Variants in CDKAL1 observed in about 807,000 individuals in gnomAD.
CDKAL1 encodes the protein threonylcarbamoyladenosine tRNA methylthiotransferase.
CDKAL1 carries 32 observed loss-of-function variants against 68.2 expected under a neutral mutation model. That is an observed-to-expected ratio of 0.47 (90% CI 0.35 to 0.63). The LOEUF (loss-of-function observed/expected upper bound fraction) is 0.63, where lower values mean the gene tolerates loss of function less well. Ranked by LOEUF, CDKAL1 falls within the 30% of genes least tolerant of loss-of-function variation. CDKAL1 has a pLI of 0.00. For synonymous variants in CDKAL1, 234 were observed against 244.3 expected, an observed-to-expected ratio of 0.96 and a Z score of 0.39; for missense variants, 606 against 696.7, an observed-to-expected ratio of 0.87 and a Z score of 1.47.
intron 11 of CDKAL1, among the ~76,000 whole-genome samples, chr6:21,062,134 T>A (rs900244418): frequency 1.5e-4 from 23 of 152,138 alleles, no homozygotes; most frequent in Admixed American, 1.5e-3. Context: ...AGAGGGAAAA[T>A]CAGTAAGGTA....
chr6:20,836,707 C>T (rs1020411729), intron 8 of CDKAL1, among the ~76,000 whole-genome samples: 1 of 152,100 alleles, frequency 6.6e-6, no homozygotes, highest in African/African-American at 2.4e-5. Flanking sequence ...TTAAATACAT[C>T]TTGTATTTAA....
chr6:20,605,688 T>C (rs1372314760), intron 4 of CDKAL1, among the ~76,000 whole-genome samples: 1 of 152,162 alleles, frequency 6.6e-6, no homozygotes, highest in Non-Finnish European at 1.5e-5. Flanking sequence ...AAGGGCTAAT[T>C]ATTCCCTGCT....
At chr6:20,605,124 C>A (rs918042714) in intron 4 of CDKAL1, among the ~76,000 whole-genome samples, 3 of 152,196 alleles carry the variant, frequency 2.0e-5, no homozygotes, top group South Asian at 2.1e-4. Context: ...GGATTTGATA[C>A]ACTGCAGTCA....
chr6:20,861,281 G>A (rs1278133018), intron 9 of CDKAL1, among the ~76,000 whole-genome samples: 2 of 152,172 alleles, frequency 1.3e-5, no homozygotes, highest in Admixed American at 6.5e-5. Context: ...GTAAGCGTAC[G>A]TAAACCTAAG....
intron 5 of CDKAL1, among the ~76,000 whole-genome samples, chr6:20,686,771 T>A (rs1562025675): frequency 1.3e-5 from 2 of 152,160 alleles, no homozygotes; most frequent in African/African-American, 2.4e-5. Flanking sequence ...TGTTCGTGAT[T>A]TTAGTGGGAA....
chr6:21,105,779 G>A (rs1020120573), intron 12 of CDKAL1, among the ~76,000 whole-genome samples: 3 of 152,194 alleles, frequency 2.0e-5, no homozygotes, highest in African/African-American at 4.8e-5. Context: ...CAAGACAGGG[G>A]CAGTGTTAGG....
intron 4 of CDKAL1, chr6:20,559,387 A>C (rs1764182924): frequency 6.6e-6 from 1 of 152,206 alleles, no homozygotes; most frequent in Non-Finnish European, 1.5e-5. Flanking sequence ...TCCAAAATGA[A>C]TGCCCACTAA....
intron 8 of CDKAL1, among the ~76,000 whole-genome samples, chr6:20,782,321 G>A (rs537231024): frequency 4.5e-4 from 69 of 152,306 alleles, no homozygotes; most frequent in Non-Finnish European, 7.1e-4. Flanking sequence ...GGCCTTCAGC[G>A]TTGAAGATTC....
chr6:20,694,363 A>G (rs2206735), intron 5 of CDKAL1, among the ~76,000 whole-genome samples: 144,974 of 152,186 alleles, frequency 0.95, 69,122 homozygotes, highest in East Asian at 1. Flanking sequence ...ACTTTTATTA[A>G]AGTCACAGTG....
At chr6:21,106,973 G>A (rs1773879361) in intron 12 of CDKAL1, among the ~76,000 whole-genome samples, 1 of 126,000 alleles carries the variant, frequency 7.9e-6, no homozygotes, top group Non-Finnish European at 1.6e-5. Flanking sequence ...ATGGAGTCTC[G>A]CTTTTTCGCC....
intron 4 of CDKAL1, among the ~76,000 whole-genome samples, chr6:20,603,579 T>G (rs1437328593): frequency 6.6e-6 from 1 of 152,006 alleles, no homozygotes; most frequent in Admixed American, 6.6e-5. Flanking sequence ...CTGGATGATA[T>G]GCAAGTGTTA....
intron 4 of CDKAL1, among the ~76,000 whole-genome samples, chr6:20,642,142 A>G (rs2127752452): frequency 6.6e-6 from 1 of 152,338 alleles, no homozygotes; most frequent in African/African-American, 2.4e-5. Context: ...TCCGAGATAT[A>G]AATGCAAAAC....
intron 5 of CDKAL1, among the ~76,000 whole-genome samples, chr6:20,708,029 G>T (rs540302893): frequency 6.6e-6 from 1 of 152,132 alleles, no homozygotes; most frequent in Non-Finnish European, 1.5e-5. Context: ...TTGCAATTAC[G>T]TATTGTTCTG....
chr6:21,154,070 T>A (rs1326248733), intron 13 of CDKAL1, among the ~76,000 whole-genome samples: 1 of 152,190 alleles, frequency 6.6e-6, no homozygotes, highest in East Asian at 1.9e-4. Context: ...TTGCCCTGTG[T>A]CTCGGTTTCC....
intron 9 of CDKAL1, among the ~76,000 whole-genome samples, chr6:20,947,238 C>T (rs901883842): frequency 3.9e-5 from 6 of 152,128 alleles, no homozygotes; most frequent in East Asian, 3.9e-4. Context: ...AGATGCTCCT[C>T]GACTTATGAT....
chr6:20,585,164 C>G (rs1055084839), intron 4 of CDKAL1, among the ~76,000 whole-genome samples: 2 of 150,326 alleles, frequency 1.3e-5, no homozygotes, highest in Non-Finnish European at 2.9e-5. Context: ...TCACACCATT[C>G]TCCTGCCTCA....
At chr6:20,588,268 A>G (rs1765456402) in intron 4 of CDKAL1, among the ~76,000 whole-genome samples, 1 of 152,140 alleles carries the variant, frequency 6.6e-6, no homozygotes, top group Admixed American at 6.5e-5. Context: ...GGTGTTCTCA[A>G]TGTTGAGTGA....
chr6:20,823,617 A>G (rs6900509), intron 8 of CDKAL1, among the ~76,000 whole-genome samples: 19,654 of 152,210 alleles, frequency 0.13, 1,492 homozygotes, highest in African/African-American at 0.2. Flanking sequence ...AACATAAAAA[A>G]TGTTCCTGGA....
At chr6:20,773,102 C>T (rs962021420) in intron 7 of CDKAL1, 1 of 152,182 alleles carries the variant, frequency 6.6e-6, no homozygotes, top group South Asian at 2.1e-4. Context: ...ACAATTAGAG[C>T]TTGAGTTGTA....
Sources: gnomAD v4.1 joint callset for allele counts (sites outside exome capture counted in the v4.1 genomes callset) on GRCh38, gnomAD v4.1.1 for gene constraint, MANE v1.5 for transcripts, NCBI Gene and HGNC (gene_info 2026-07-23, HGNC 2026-07-21) for gene names.